BMF: variants seen among roughly 807,000 people sequenced by gnomAD.
BMF encodes the protein bcl-2-modifying factor.
Under a neutral mutation model 22.0 loss-of-function variants are expected in BMF, and 10 were observed. That is an observed-to-expected ratio of 0.45 (90% CI 0.28 to 0.77). BMF has a LOEUF of 0.77. Among genes scored for constraint, BMF ranks in the 30% least tolerant of loss-of-function variants. The pLI, the probability that BMF is intolerant of heterozygous loss-of-function variation, is 0.13. For synonymous variants in BMF, 87 were observed against 88.1 expected, an observed-to-expected ratio of 0.99 and a Z score of 0.07; for missense variants, 206 against 226.8, an observed-to-expected ratio of 0.91 and a Z score of 0.59.
intron 4 of BMF, among the ~76,000 whole-genome samples, chr15:40,101,126 C>G (rs1768693795): frequency 6.6e-6 from 1 of 152,196 alleles, no homozygotes; most frequent in African/African-American, 2.4e-5. Flanking sequence ...AGTCTGGACA[C>G]TAATTCCTCT....
At chr15:40,108,219 A>AACAAACACAC (rs2036626285) in intron 2 of BMF, 40 bp downstream of exon 2, 2 of 145,034 alleles carry the variant, frequency 1.4e-5, no homozygotes, top group South Asian at 4.5e-4. Context: ...AGTGACTAGG[A>AACAAACACAC]ACACACACAC....
At chr15:40,098,577 A>G (rs759394286) in intron 4 of BMF, among the ~76,000 whole-genome samples, 5 of 152,210 alleles carry the variant, frequency 3.3e-5, no homozygotes, top group Non-Finnish European at 7.3e-5. Flanking sequence ...GTCCAGGACC[A>G]GGTCAAGGCA....
Sources: gnomAD v4.1 joint callset for allele counts (sites outside exome capture counted in the v4.1 genomes callset) on GRCh38, gnomAD v4.1.1 for gene constraint, MANE v1.5 for transcripts, NCBI Gene and HGNC (gene_info 2026-07-23, HGNC 2026-07-21) for gene names.